The following RSBN1 variants were observed in gnomAD, a reference collection of about 807,000 sequenced individuals.
RSBN1 encodes the protein round spermatid basic protein 1.
In RSBN1, 23 loss-of-function variants were observed where a neutral mutation model predicts 74.8. The ratio of observed to expected loss-of-function variants is 0.31; its 90% CI spans 0.22 to 0.44. The LOEUF (loss-of-function observed/expected upper bound fraction) is 0.44, where lower values mean the gene tolerates loss of function less well. Among genes scored for constraint, RSBN1 ranks in the 20% least tolerant of loss-of-function variants. The probability of loss-of-function intolerance (pLI) is 1.00; values close to 1 mark genes in which losing one functional copy is unlikely to be tolerated. For synonymous variants in RSBN1, 407 were observed against 379.6 expected (o/e 1.07, Z -0.84); for missense variants, 808 against 1,020.9 (o/e 0.79, Z 2.84).
intron 2 of RSBN1, among the ~76,000 whole-genome samples, chr1:113,784,454 A>G (rs1660198724): frequency 6.6e-6 from 1 of 152,162 alleles, no homozygotes; most frequent in Non-Finnish European, 1.5e-5. Flanking sequence ...TCTTTTTGGC[A>G]TGAGGGACTG....
At chr1:113,777,567 G>C in intron 3 of RSBN1, 104 bp downstream of exon 3, 1 of 1,149,626 alleles carries the variant, frequency 8.7e-7, no homozygotes, top group Non-Finnish European at 1.2e-6. Context: ...CAAAACACTG[G>C]ATAAATTTAA....
chr1:113,793,597 C>T (rs761224886), intron 2 of RSBN1, among the ~76,000 whole-genome samples: 3 of 152,100 alleles, frequency 2.0e-5, no homozygotes, highest in Non-Finnish European at 4.4e-5. Context: ...GCATCTCCTG[C>T]ATTAATGGGT....
At chr1:113,779,405 T>C (rs1444081381) in intron 2 of RSBN1, among the ~76,000 whole-genome samples, 9 of 151,276 alleles carry the variant, frequency 5.9e-5, no homozygotes, top group Non-Finnish European at 1.3e-4. Context: ...ATAGCAGGGG[T>C]AGGGATTTTT....
chr1:113,776,951 A>G (rs956637290), intron 4 of RSBN1, among the ~76,000 whole-genome samples: 2 of 152,190 alleles, frequency 1.3e-5, no homozygotes, highest in African/African-American at 4.8e-5. Context: ...TATTAATGTA[A>G]ACCACACTAA....
chr1:113,773,159 T>C (rs1659914433), intron 4 of RSBN1, among the ~76,000 whole-genome samples: 1 of 152,054 alleles, frequency 6.6e-6, no homozygotes. Context: ...AATAGAAACA[T>C]GTATAAAGGA....
At chr1:113,803,784 TTAAATC>T (rs1197808909) in intron 1 of RSBN1, among the ~76,000 whole-genome samples, 1 of 152,016 alleles carries the variant, frequency 6.6e-6, no homozygotes, top group East Asian at 1.9e-4. Flanking sequence ...ATAAATCTCT[TTAAATC>T]TAAATTTTCT....
intron 1 of RSBN1, among the ~76,000 whole-genome samples, chr1:113,805,155 G>A (rs892416089): frequency 3.3e-5 from 5 of 151,370 alleles, no homozygotes; most frequent in South Asian, 2.1e-4. Flanking sequence ...TGACTCTGTC[G>A]ACCAGGCTGG....
intron 4 of RSBN1, among the ~76,000 whole-genome samples, chr1:113,774,556 A>C (rs1448240126): frequency 6.6e-6 from 1 of 152,144 alleles, no homozygotes; most frequent in Non-Finnish European, 1.5e-5. Context: ...GGGAGGCTGT[A>C]GTCCCAGCTA....
At chr1:113,773,596 G>C (rs1275232220) in intron 4 of RSBN1, among the ~76,000 whole-genome samples, 1 of 152,218 alleles carries the variant, frequency 6.6e-6, no homozygotes, top group African/African-American at 2.4e-5. Context: ...AATGTTAGTG[G>C]AGAGTATGAG....
At chr1:113,800,619 A>G (rs1660563275) in intron 1 of RSBN1, among the ~76,000 whole-genome samples, 1 of 152,188 alleles carries the variant, frequency 6.6e-6, no homozygotes, top group African/African-American at 2.4e-5. Flanking sequence ...TAAGCTTCGG[A>G]AGAGGTATTT....
chr1:113,766,355 G>A lies in RSBN1; in HGVS notation c.2034C>T (p.Ile678=), dbSNP rs1314171420. Residue 678 remains isoleucine (I), a synonymous_variant, in exon 7 of 7, where the codon ATC becomes ATT. Transcript: ENST00000261441. ...TGAACTGATGAATGACATTTCTAGG[G>A]ATGAAGTAGATATCATTGTCGCAAA... ...IQLCDNDIYF[I]PRNVIHQFKT... 1.2e-6 allele frequency: 2 copies of A among 1,614,070 alleles called. No homozygotes were observed. The highest frequency in any genetic ancestry group is 3.3e-5 in the Admixed American group (2 of 60,026).
chr1:113,784,293 T>C (rs1660196540), intron 2 of RSBN1, among the ~76,000 whole-genome samples: 1 of 152,160 alleles, frequency 6.6e-6, no homozygotes, highest in Admixed American at 6.5e-5. Flanking sequence ...ATTAGGCAAT[T>C]TGTGGTTGAG....
chr1:113,806,911 G>C (rs1660711224), intron 1 of RSBN1, among the ~76,000 whole-genome samples: 1 of 151,602 alleles, frequency 6.6e-6, no homozygotes, highest in South Asian at 2.1e-4. Context: ...TACTCAGGAG[G>C]TTGAGGTGGG....
intron 2 of RSBN1, among the ~76,000 whole-genome samples, chr1:113,789,839 C>A (rs538537588): frequency 6.6e-6 from 1 of 152,254 alleles, no homozygotes; most frequent in African/African-American, 2.4e-5. Context: ...AGCTGCCCAA[C>A]AAAATACCAA....
rs369897214 is a variant in RSBN1 at position 113,797,297 on chromosome 1, G to A, written c.1377+66C>T. On this transcript the variant is annotated intron_variant, in intron 2 of 6. Coordinates refer to ENST00000261441, the MANE Select transcript of RSBN1 (RefSeq NM_018364.5). ...AAAAATGTGCTGGTATGTGCTGTGC[G>A]ACAGAAAGAGGTTAATTCTGTTTAG... The A allele has an allele frequency of 1.1e-4, 136 of 1,288,424 alleles. 1 individual carries two copies. The highest frequency in any genetic ancestry group is 1.3e-4 in the Non-Finnish European group (116 of 927,116). The allele number at this position is 1,288,424 out of a possible 1,614,324, so 79.8% of individuals were successfully genotyped here.
intron 1 of RSBN1, among the ~76,000 whole-genome samples, chr1:113,803,595 A>C (rs1010967019): frequency 5.9e-5 from 9 of 152,348 alleles, no homozygotes; most frequent in African/African-American, 1.9e-4. Context: ...TGAAGTACTT[A>C]TAATAGTCCT....
chr1:113,770,609 T>C (rs1052470502), intron 4 of RSBN1, among the ~76,000 whole-genome samples: 15 of 152,206 alleles, frequency 9.9e-5, no homozygotes, highest in African/African-American at 3.6e-4. Flanking sequence ...AGTGTCCATT[T>C]CTATGCCTGT....
intron 2 of RSBN1, among the ~76,000 whole-genome samples, chr1:113,781,677 G>C (rs1317372498): frequency 6.6e-6 from 1 of 152,092 alleles, no homozygotes; most frequent in Non-Finnish European, 1.5e-5. Flanking sequence ...TTTTTTGTAA[G>C]GTTCCCTTCC....
intron 4 of RSBN1, among the ~76,000 whole-genome samples, chr1:113,774,051 A>G (rs981292880): frequency 6.6e-6 from 1 of 152,220 alleles, no homozygotes; most frequent in Non-Finnish European, 1.5e-5. Flanking sequence ...ACAAACATAC[A>G]TATCTACCAA....
Sources: gnomAD v4.1 joint callset for allele counts (sites outside exome capture counted in the v4.1 genomes callset) on GRCh38, gnomAD v4.1.1 for gene constraint, MANE v1.5 for transcripts, NCBI Gene and HGNC (gene_info 2026-07-23, HGNC 2026-07-21) for gene names.